The following EMC3 variants were observed in gnomAD, a reference collection of about 807,000 sequenced individuals.
EMC3 encodes the protein 30 kDa protein.
Under a neutral mutation model 36.6 loss-of-function variants are expected in EMC3, and 13 were observed. The observed-to-expected ratio is 0.35, with a 90% CI of 0.23 to 0.56. The LOEUF (loss-of-function observed/expected upper bound fraction) is 0.56. EMC3 is among the 20% of genes least tolerant of loss of function. EMC3 has a pLI of 0.84. For synonymous variants in EMC3, 120 were observed against 111.9 expected (o/e 1.07, Z -0.46); for missense variants, 220 against 324.5 (o/e 0.68, Z 2.47).
Position 9,977,459 on chromosome 3 carries a change from A to G in EMC3, c.156-13T>C, listed in dbSNP as rs768436157. The G allele has an allele frequency of 1.9e-6, 3 of 1,609,666 alleles. No homozygotes were observed. Among genetic ancestry groups the G allele is most frequent in the East Asian group, 2.2e-5 (1 of 44,850 alleles). ...AATTAGGACTTGACTGAAAAATACA[A>G]CCAACACAATGAGATTTTAAAAAGT... On this transcript the variant is annotated splice_polypyrimidine_tract_variant and intron_variant, in intron 1 of 7. Coordinates refer to ENST00000245046, the MANE Select transcript of EMC3 (RefSeq NM_001394674.1).
intron 1 of EMC3, among the ~76,000 whole-genome samples, chr3:9,985,692 G>A (rs1042372676): frequency 1.3e-5 from 2 of 152,070 alleles, no homozygotes; most frequent in East Asian, 1.9e-4. Context: ...GGTCGAGTTC[G>A]AGAACAGCCT....
At chr3:9,991,106 G>A (rs1472227422), upstream of EMC3, among the ~76,000 whole-genome samples, 2 of 152,184 alleles carry the variant, frequency 1.3e-5, no homozygotes, top group Non-Finnish European at 2.9e-5. Context: ...GGGATTACAG[G>A]TGTGAGCCAC....
chr3:9,985,390 C>T (rs1181284854), intron 1 of EMC3, among the ~76,000 whole-genome samples: 4 of 152,154 alleles, frequency 2.6e-5, no homozygotes, highest in African/African-American at 7.2e-5. Flanking sequence ...TAGCACTTAC[C>T]TGAGATGATT....
chr3:9,987,563 G>T (rs1298198565), upstream of EMC3, among the ~76,000 whole-genome samples: 1 of 152,202 alleles, frequency 6.6e-6, no homozygotes, highest in Non-Finnish European at 1.5e-5. Flanking sequence ...TGTTAAAGGC[G>T]GGTGTCTGGA....
chr3:10,008,906 CAGAGCATT>C (rs1352546489), intron 1 of EMC3: 2 of 167,214 alleles, frequency 1.2e-5, no homozygotes, highest in Non-Finnish European at 2.6e-5. Flanking sequence ...GGTGTGTCTG[CAGAGCATT>C]GGAAATGCAG....
At chr3:9,976,295 G>A (rs1168256496) in intron 3 of EMC3, among the ~76,000 whole-genome samples, 6 of 151,956 alleles carry the variant, frequency 3.9e-5, no homozygotes, top group Admixed American at 6.6e-5. Context: ...TAGTAGAGAC[G>A]GGGTTTCATC....
Position 10,003,361 on chromosome 3 carries a change from G to A in EMC3, c.-242+7662C>T, listed in dbSNP as rs565505252. The A allele has an allele frequency of 5.4e-4, 201 of 371,990 alleles. 4 individuals are homozygous for A. Among genetic ancestry groups the A allele is most frequent in the South Asian group, 3.7e-3 (188 of 50,578 alleles). The allele number at this position is 371,990 out of a possible 1,614,324, so 23.0% of individuals were successfully genotyped here. A position where few individuals can be genotyped will look rare whatever the true frequency, so the allele number is the denominator to read the frequency against. The stretch of plus-strand genomic sequence containing the variant: ...AATGTTTTTGCCTGTGTCCACCGCC[G>A]AAAAGGAGGAATAAGATGACCCCAA... On this transcript the variant is annotated intron_variant, in intron 1 of 8. Coordinates refer to the EMC3 transcript ENST00000470827.
At chr3:9,994,097 T>C in intron 1 of EMC3, 2 of 166,706 alleles carry the variant, frequency 1.2e-5, no homozygotes, top group Non-Finnish European at 1.7e-5. Context: ...GGAAGAGAAG[T>C]CTGATCTGAC....
intron 1 of EMC3, chr3:10,006,947 G>T: frequency 3.3e-6 from 1 of 302,136 alleles, no homozygotes; most frequent in Non-Finnish European, 6.5e-6. Context: ...TTCCTGCAAA[G>T]CTCTATTTTA....
chr3:10,005,259 A>C (rs2086251157), intron 1 of EMC3: 1 of 151,802 alleles, frequency 6.6e-6, no homozygotes, highest in African/African-American at 2.4e-5. Flanking sequence ...AAAAAAAAAA[A>C]ATCACACATC....
chr3:9,982,248 T>C (rs2085919406), intron 1 of EMC3, among the ~76,000 whole-genome samples: 1 of 151,076 alleles, frequency 6.6e-6, no homozygotes, highest in Non-Finnish European at 1.5e-5. Context: ...CCATACCTGG[T>C]GCAAATGGAA....
chr3:10,010,480 C>G (rs1468974321), intron 1 of EMC3: 2 of 152,560 alleles, frequency 1.3e-5, no homozygotes, highest in East Asian at 1.9e-4. Flanking sequence ...CTCAGAGAAG[C>G]CCTCCCTGAG....
chr3:9,992,924 G>A, intron 1 of EMC3: 2 of 1,611,158 alleles, frequency 1.2e-6, no homozygotes, highest in Non-Finnish European at 1.7e-6. Context: ...AGACAAAGAA[G>A]TACATTGAAA....
chr3:9,972,266 C>A (rs1030348642), intron 5 of EMC3, among the ~76,000 whole-genome samples: 5 of 151,844 alleles, frequency 3.3e-5, no homozygotes, highest in African/African-American at 1.2e-4. Context: ...CCCATAAGCT[C>A]AAGGGTATTA....
upstream of EMC3, chr3:9,987,791 C>T (rs1284285379): frequency 4.0e-6 from 2 of 502,014 alleles, no homozygotes; most frequent in African/African-American, 2.0e-5. Context: ...AAATGTCCAA[C>T]GTTTAAAATT....
chr3:10,005,201 A>T (rs2086250617), intron 1 of EMC3: 1 of 151,732 alleles, frequency 6.6e-6, no homozygotes, highest in African/African-American at 2.4e-5. Flanking sequence ...GGAGGCCCGG[A>T]CCATGTTCAG....
chr3:9,970,311 G>A (rs1392959471), intron 6 of EMC3, among the ~76,000 whole-genome samples: 1 of 152,190 alleles, frequency 6.6e-6, no homozygotes, highest in Non-Finnish European at 1.5e-5. Flanking sequence ...TAGGTTCACA[G>A]GCTTACACTG....
upstream of EMC3, chr3:9,987,166 A>G (rs1481661230): frequency 3.5e-6 from 3 of 866,466 alleles, no homozygotes; most frequent in Non-Finnish European, 4.1e-6. Context: ...GTGAGCCGAG[A>G]TTGCTGCACT....
At chr3:10,008,418 A>G (rs1357997384) in intron 1 of EMC3, 2 of 1,367,694 alleles carry the variant, frequency 1.5e-6, no homozygotes, top group Non-Finnish European at 2.0e-6. Flanking sequence ...GCCGGCATGC[A>G]GGCCGGGCAA....
Sources: gnomAD v4.1 joint callset for allele counts (sites outside exome capture counted in the v4.1 genomes callset) on GRCh38, gnomAD v4.1.1 for gene constraint, MANE v1.5 for transcripts, NCBI Gene and HGNC (gene_info 2026-07-23, HGNC 2026-07-21) for gene names.